Variants in ANTXR2 observed in about 807,000 individuals in gnomAD.
ANTXR2 encodes anthrax toxin receptor 2.
A neutral mutation model predicts 73.7 loss-of-function variants in ANTXR2; 44 were observed. The observed-to-expected ratio is 0.60, with a 90% CI of 0.47 to 0.77. The LOEUF is 0.77. Among genes scored for constraint, ANTXR2 ranks in the 30% least tolerant of loss-of-function variants. The pLI is 0.00. For synonymous variants in ANTXR2, 217 were observed against 205.9 expected, an observed-to-expected ratio of 1.05 and a Z score of -0.46; for missense variants, 604 against 592.5, an observed-to-expected ratio of 1.02 and a Z score of -0.20.
chr4:79,981,271 T>G (rs1036788882), intron 14 of ANTXR2, among the ~76,000 whole-genome samples: 1 of 152,198 alleles, frequency 6.6e-6, no homozygotes, highest in African/African-American at 2.4e-5. Flanking sequence ...AAATTCAAAA[T>G]GCTCTAAAAC....
At chr4:80,027,516 T>C (rs12645809) in intron 10 of ANTXR2, among the ~76,000 whole-genome samples, 31,729 of 152,096 alleles carry the variant, frequency 0.21, 4,101 homozygotes, top group East Asian at 0.66. Flanking sequence ...CTCTGTCAAG[T>C]GTCTTCCCAC....
chr4:80,018,355 C>T (rs1228207298), intron 11 of ANTXR2, among the ~76,000 whole-genome samples: 1 of 152,024 alleles, frequency 6.6e-6, no homozygotes, highest in Non-Finnish European at 1.5e-5. Flanking sequence ...CAAAATACTG[C>T]ATTTAGGTAA....
At chr4:80,072,071 G>T (rs1376222534) in intron 1 of ANTXR2, among the ~76,000 whole-genome samples, 1 of 152,162 alleles carries the variant, frequency 6.6e-6, no homozygotes, top group African/African-American at 2.4e-5. Flanking sequence ...GTACGAGCAG[G>T]GTCGAGGAGG....
intron 16 of ANTXR2, among the ~76,000 whole-genome samples, chr4:79,958,437 G>C (rs1026544814): frequency 6.6e-6 from 1 of 152,076 alleles, no homozygotes; most frequent in East Asian, 1.9e-4. Flanking sequence ...CTTAACATCA[G>C]TATTAATAAC....
At chr4:79,988,409 A>AT (rs1053985922) in intron 12 of ANTXR2, among the ~76,000 whole-genome samples, 1 of 151,726 alleles carries the variant, frequency 6.6e-6, no homozygotes, top group Non-Finnish European at 1.5e-5. Flanking sequence ...GACAAAGAGC[A>AT]TTGCATAATG....
Position 80,072,535 on chromosome 4 carries a change from C to A in ANTXR2, c.26G>T (p.Arg9Leu). The A allele has an allele frequency of 6.3e-7, 1 of 1,587,652 alleles. No homozygotes were observed. Among genetic ancestry groups the A allele is most frequent in the Non-Finnish European group, 8.6e-7 (1 of 1,168,670 alleles). Reference sequence around the variant, plus strand: ...GGGGAACAGCCAGCTCCCGGGGCTGCGGGCCGGGGACCGCTCCGCCACCAT... The same window carrying A: ...GGGGAACAGCCAGCTCCCGGGGCTGAGGGCCGGGGACCGCTCCGCCACCAT... MVAERSPARSPGSWLFPGL... is the reference protein window; with the variant it reads MVAERSPALSPGSWLFPGL... Residue 9 changes from arginine (R) to leucine (L), a missense_variant, in exon 1 of 17, where the codon CGC (arginine) becomes CTC (leucine). Physicochemically the swap from Arg to Leu is moderately radical, Grantham distance 102. Coordinates refer to ENST00000403729, the MANE Select transcript of ANTXR2 (RefSeq NM_058172.6).
chr4:80,011,072 G>C (rs910771052), intron 11 of ANTXR2, among the ~76,000 whole-genome samples: 2 of 151,986 alleles, frequency 1.3e-5, no homozygotes, highest in Admixed American at 6.6e-5. Context: ...GCGTGAATCT[G>C]GGAGGCGGAG....
chr4:79,993,760 G>GCACACACA (rs1553931141), intron 12 of ANTXR2, among the ~76,000 whole-genome samples: 1,682 of 140,754 alleles, frequency 0.012, 15 homozygotes, highest in African/African-American at 0.027. Context: ...ACACACACAC[G>GCACACACA]CACACACACA....
At chr4:79,921,910 A>G (rs1727607748) in intron 16 of ANTXR2, among the ~76,000 whole-genome samples, 1 of 152,062 alleles carries the variant, frequency 6.6e-6, no homozygotes, top group Non-Finnish European at 1.5e-5. Context: ...AAACAATTTT[A>G]AACAATCACT....
At chr4:79,936,509 T>G (rs2058705236) in intron 16 of ANTXR2, among the ~76,000 whole-genome samples, 1 of 149,966 alleles carries the variant, frequency 6.7e-6, no homozygotes, top group Admixed American at 6.6e-5. Flanking sequence ...TTTTTCTAAT[T>G]CTCCAAAAGT....
chr4:79,973,256 A>G (rs1211548959), intron 16 of ANTXR2, among the ~76,000 whole-genome samples: 2 of 152,192 alleles, frequency 1.3e-5, no homozygotes, highest in African/African-American at 2.4e-5. Context: ...ACAGAAAGCT[A>G]TTTCACTAAA....
At position 80,065,076 on chromosome 4, in the gene ANTXR2, T is replaced by A. The variant is rs149013861; in HGVS notation, c.296+4360A>T. 3.9e-3 allele frequency among the ~76,000 whole-genome samples: 589 copies of A among 152,312 alleles called. 5 individuals are homozygous for A. The highest frequency in any genetic ancestry group is 0.013 in the African/African-American group (560 of 41,570). ...CAGTATCTATTACAGGAAGTTCATATGAGGATTAAGTGAAGCAATGCATGG... is the reference window on the plus strand; with the variant it reads ...CAGTATCTATTACAGGAAGTTCATAAGAGGATTAAGTGAAGCAATGCATGG... On this transcript the variant is annotated intron_variant, in intron 3 of 16. Transcript: ENST00000403729.
At chr4:79,996,590 G>A (rs1282915667) in intron 12 of ANTXR2, among the ~76,000 whole-genome samples, 1 of 151,830 alleles carries the variant, frequency 6.6e-6, no homozygotes, top group Non-Finnish European at 1.5e-5. Context: ...GAGTAACAAA[G>A]AAGGGTGAAA....
At chr4:80,038,080 C>T (rs1459194703) in intron 7 of ANTXR2, among the ~76,000 whole-genome samples, 4 of 152,074 alleles carry the variant, frequency 2.6e-5, no homozygotes, top group Non-Finnish European at 4.4e-5. Context: ...TTATGAGGCA[C>T]TTAAAGATTA....
intron 3 of ANTXR2, among the ~76,000 whole-genome samples, chr4:80,059,344 C>T (rs561154731): frequency 3.3e-5 from 5 of 151,016 alleles, no homozygotes; most frequent in South Asian, 2.1e-4. Flanking sequence ...ATGGTGTTTT[C>T]CTCGCTTTCA....
intron 12 of ANTXR2, among the ~76,000 whole-genome samples, chr4:80,003,625 A>T (rs535581121): frequency 1.3e-5 from 2 of 152,228 alleles, no homozygotes; most frequent in East Asian, 3.9e-4. Context: ...ATTTCACCAA[A>T]GATATAAGCA....
chr4:80,060,529 G>A (rs1734196745), intron 3 of ANTXR2, among the ~76,000 whole-genome samples: 1 of 152,140 alleles, frequency 6.6e-6, no homozygotes, highest in Non-Finnish European at 1.5e-5. Context: ...ATGTGCATGA[G>A]CTTATAGACA....
chr4:79,988,894 C>G (rs571420873), intron 12 of ANTXR2, among the ~76,000 whole-genome samples: 31 of 152,230 alleles, frequency 2.0e-4, no homozygotes, highest in African/African-American at 7.0e-4. Context: ...TCCTAAATGA[C>G]TTTCAGGCAA....
chr4:79,920,516 C>T (rs1173883923), intron 16 of ANTXR2, among the ~76,000 whole-genome samples: 2 of 151,940 alleles, frequency 1.3e-5, no homozygotes, highest in Admixed American at 6.6e-5. Flanking sequence ...TCAGTATATA[C>T]GTGTGTTGGG....
Sources: gnomAD v4.1 joint callset for allele counts (sites outside exome capture counted in the v4.1 genomes callset) on GRCh38, gnomAD v4.1.1 for gene constraint, MANE v1.5 for transcripts, NCBI Gene and HGNC (gene_info 2026-07-23, HGNC 2026-07-21) for gene names.